FAM118B: variants seen among roughly 807,000 people sequenced by gnomAD.
FAM118B encodes the protein protein FAM118B.
A neutral mutation model predicts 38.5 loss-of-function variants in FAM118B; 24 were observed. The ratio of observed to expected loss-of-function variants is 0.62; its 90% CI spans 0.45 to 0.88. FAM118B has a LOEUF of 0.88. FAM118B is among the 40% of genes least tolerant of loss of function. FAM118B has a pLI of 0.00. For synonymous variants in FAM118B, 138 were observed against 156.3 expected, an observed-to-expected ratio of 0.88 and a Z score of 0.87; for missense variants, 334 against 420.0, an observed-to-expected ratio of 0.80 and a Z score of 1.79.
intron 4 of FAM118B, among the ~76,000 whole-genome samples, chr11:126,245,961 A>G (rs1035574357): frequency 1.1e-4 from 17 of 150,706 alleles, no homozygotes; most frequent in African/African-American, 4.2e-4. Flanking sequence ...GCGCCATTGC[A>G]CTCCAGCCTG....
intron 7 of FAM118B, among the ~76,000 whole-genome samples, chr11:126,257,605 ATT>A (rs5795488): frequency 9.9e-5 from 14 of 140,924 alleles, no homozygotes; most frequent in Admixed American, 1.4e-4. Flanking sequence ...AGAATTGTAC[ATT>A]TTTTTTTTTT....
At chr11:126,227,927 G>GT (rs1241192530) in intron 1 of FAM118B, among the ~76,000 whole-genome samples, 1 of 151,382 alleles carries the variant, frequency 6.6e-6, no homozygotes, top group African/African-American at 2.4e-5. Flanking sequence ...AGCCTCCCGA[G>GT]TAGCTGGAAC....
At position 126,250,432 on chromosome 11, in the gene FAM118B, T is replaced by G; in HGVS notation, c.340-74T>G. 1 of 989,624 alleles carries G rather than the reference T, an allele frequency of 1.0e-6. No individual in the cohort carries two copies. The allele number at this position is 989,624 out of a possible 1,614,324, so 61.3% of individuals were successfully genotyped here. A position where few individuals can be genotyped will look rare whatever the true frequency, so the allele number is the denominator to read the frequency against. On this transcript the variant is annotated intron_variant, in intron 4 of 8. Coordinates refer to ENST00000533050, the MANE Select transcript of FAM118B (RefSeq NM_024556.4). This position sits in a 1 kb window ranked among gnomAD's most constrained non-coding sequence, Gnocchi z 5.1. Reference sequence around the variant, plus strand: ...ATTCAAAATATTCTTCCAAAATTTGTTACTGCTGTAACTAAAACAACTGAC... The same window carrying G: ...ATTCAAAATATTCTTCCAAAATTTGGTACTGCTGTAACTAAAACAACTGAC...
intron 4 of FAM118B, among the ~76,000 whole-genome samples, chr11:126,247,793 G>A (rs1296301028): frequency 1.1e-4 from 17 of 150,704 alleles, no homozygotes; most frequent in Non-Finnish European, 2.9e-5. Flanking sequence ...AGGAGGCGGA[G>A]GTTGCAGTGA....
At chr11:126,243,632 G>A (rs1272466597) in intron 4 of FAM118B, among the ~76,000 whole-genome samples, 2 of 152,062 alleles carry the variant, frequency 1.3e-5, no homozygotes, top group Non-Finnish European at 2.9e-5. Flanking sequence ...GGCCAGGTGC[G>A]GTGGCTCACA....
chr11:126,254,516 ATC>A, intron 6 of FAM118B, 83 bp downstream of exon 6: 4 of 1,547,220 alleles, frequency 2.6e-6, no homozygotes, highest in Non-Finnish European at 3.5e-6. Context: ...AAAGGGGAAC[ATC>A]TTCTTTTCAT....
chr11:126,242,325 C>T (rs546322110), intron 4 of FAM118B, among the ~76,000 whole-genome samples: 1 of 152,204 alleles, frequency 6.6e-6, no homozygotes, highest in African/African-American at 2.4e-5. Context: ...GATGGTGGCT[C>T]ATGCCTATAA....
Position 126,250,774 on chromosome 11 carries a change from T to G in FAM118B, c.567+41T>G, listed in dbSNP as rs1202867058. 1.2e-5 allele frequency: 17 copies of G among 1,449,212 alleles called. No homozygotes were observed. The highest frequency in any genetic ancestry group is 1.6e-5 in the Non-Finnish European group (17 of 1,048,138). 89.8% of individuals were successfully genotyped at this position (1,449,212 alleles called of 1,614,324 possible). A position where few individuals can be genotyped will look rare whatever the true frequency, so the allele number is the denominator to read the frequency against. On this transcript the variant is annotated intron_variant, in intron 5 of 8. Transcript: ENST00000533050. This position sits in a 1 kb window ranked among gnomAD's most constrained non-coding sequence, Gnocchi z 5.1. The stretch of plus-strand genomic sequence containing the variant: ...TTGGTCCCTTCTTCAGGCTAGTGGA[T>G]TTTATCTTCCTCAGAAAAGCTCTTT...
At chr11:126,246,316 G>A (rs1950419137) in intron 4 of FAM118B, among the ~76,000 whole-genome samples, 2 of 152,106 alleles carry the variant, frequency 1.3e-5, no homozygotes, top group Non-Finnish European at 2.9e-5. Context: ...AGGGTTAACA[G>A]GCCTATCTAC....
rs375304829 is a variant in FAM118B, at chr11:126,245,822, C to A, written c.340-4684C>A. ...GACCAGCCTGGCCAACATGGTGAAA[C>A]CCCATCTCTAATAAAAATACATAAT... On this transcript the variant is annotated intron_variant, in intron 4 of 8. Transcript: ENST00000533050. Among the ~76,000 whole-genome samples, 28 of 152,148 alleles carry A rather than the reference C, an allele frequency of 1.8e-4. 1 individual carries two copies. The East Asian group carries it at 1.9e-3, about 10-fold the overall frequency.
intron 3 of FAM118B, among the ~76,000 whole-genome samples, chr11:126,238,603 CA>C (rs1448292248): frequency 1.3e-5 from 2 of 152,278 alleles, no homozygotes; most frequent in Non-Finnish European, 2.9e-5. Flanking sequence ...ACTTAATCCC[CA>C]CCCTCAGCTG....
intron 4 of FAM118B, among the ~76,000 whole-genome samples, chr11:126,248,060 C>G (rs1330123914): frequency 2.0e-5 from 3 of 150,196 alleles, no homozygotes; most frequent in Admixed American, 2.0e-4. Context: ...TCAGGAGAAT[C>G]ACCTGAACCA....
rs113345688 is a variant in FAM118B, at chr11:126,224,911, A to C, written c.-76-4314A>C. Among the ~76,000 whole-genome samples, 462 of 152,362 alleles carry C rather than the reference A, an allele frequency of 3.0e-3. 2 individuals are homozygous for C. The highest frequency in any genetic ancestry group is 0.011 in the African/African-American group (445 of 41,584). On this transcript the variant is annotated intron_variant, in intron 1 of 8. Transcript: ENST00000533050. ...CTCCCATCCCATGAATGCTCTGCAGATGGTAACCTATAAACACCCAGACTC... is the reference window on the plus strand; with the variant it reads ...CTCCCATCCCATGAATGCTCTGCAGCTGGTAACCTATAAACACCCAGACTC...
chr11:126,221,127 C>T (rs1950057975), intron 1 of FAM118B, among the ~76,000 whole-genome samples: 1 of 152,090 alleles, frequency 6.6e-6, no homozygotes, highest in Non-Finnish European at 1.5e-5. Context: ...GCAGAGGCTG[C>T]AGTGAGCTGA....
Position 126,238,750 on chromosome 11 carries a change from T to G in FAM118B, c.87-2042T>G, listed in dbSNP as rs925083913. 7.2e-5 allele frequency among the ~76,000 whole-genome samples: 11 copies of G among 152,190 alleles called. No homozygotes were observed. The South Asian group carries it at 8.3e-4, about 11-fold the overall frequency. ...CCCCACCAGCCCCTCTACCTTTAGA[T>G]GTACATGAACATTCCCAAAATTCTA... On this transcript the variant is annotated intron_variant, in intron 3 of 8. Coordinates refer to ENST00000533050, the MANE Select transcript of FAM118B (RefSeq NM_024556.4).
chr11:126,235,581 C>T (rs1021630238), intron 3 of FAM118B, among the ~76,000 whole-genome samples: 36 of 152,002 alleles, frequency 2.4e-4, no homozygotes, highest in African/African-American at 8.5e-4. Flanking sequence ...TTCAGTGGCA[C>T]GATCTTGGCT....
At chr11:126,239,425 G>GT (rs1382782116) in intron 3 of FAM118B, among the ~76,000 whole-genome samples, 1 of 152,154 alleles carries the variant, frequency 6.6e-6, no homozygotes, top group Non-Finnish European at 1.5e-5. Flanking sequence ...TTTTCTATGT[G>GT]TGTGTATATT....
intron 1 of FAM118B, among the ~76,000 whole-genome samples, chr11:126,224,773 G>C (rs935630294): frequency 5.3e-5 from 8 of 152,214 alleles, no homozygotes; most frequent in African/African-American, 1.7e-4. Flanking sequence ...GAAGAGGCCA[G>C]CGTAGCTGGA....
chr11:126,245,052 G>C (rs974089621), intron 4 of FAM118B: 4 of 152,210 alleles, frequency 2.6e-5, no homozygotes, highest in African/African-American at 9.7e-5. Context: ...ACCATGGCAT[G>C]CACCTGTAGT....
Sources: allele counts gnomAD v4.1 joint callset (sites outside exome capture counted in the v4.1 genomes callset), GRCh38; gene constraint gnomAD v4.1.1; non-coding constraint Gnocchi (gnomAD v3.1); transcripts MANE v1.5; gene names NCBI Gene and HGNC (gene_info 2026-07-23, HGNC 2026-07-21).